Variants in GTF3C2 observed in about 807,000 individuals in gnomAD.
GTF3C2 encodes the protein general transcription factor 3C polypeptide 2.
A neutral mutation model predicts 117.4 loss-of-function variants in GTF3C2; 17 were observed. The ratio of observed to expected loss-of-function variants is 0.14; its 90% CI spans 0.10 to 0.22. The LOEUF (loss-of-function observed/expected upper bound fraction) is 0.22. Among genes scored for constraint, GTF3C2 ranks in the 10% least tolerant of loss-of-function variants. GTF3C2 has a pLI of 1.00. For missense variants in GTF3C2, 888 were observed against 1,143.6 expected, an observed-to-expected ratio of 0.78 and a Z score of 3.22; for synonymous variants, 437 against 427.0, an observed-to-expected ratio of 1.02 and a Z score of -0.29.
At chr2:27,335,368 G>C in intron 10 of GTF3C2, 1 of 664,398 alleles carries the variant, frequency 1.5e-6, no homozygotes, top group Admixed American at 2.1e-5. Flanking sequence ...GCACAGAAGA[G>C]GGAAGAAGGG....
At chr2:27,346,016 C>CTT (rs70953853) in intron 1 of GTF3C2, among the ~76,000 whole-genome samples, 50 of 97,876 alleles carry the variant, frequency 5.1e-4, no homozygotes, top group African/African-American at 7.1e-4. Flanking sequence ...TGCCCCGCCA[C>CTT]TTTTTTTTTT....
chr2:27,337,389 C>T (rs1439195573), intron 6 of GTF3C2, 47 bp from the exon 7 acceptor site: 4 of 1,492,938 alleles, frequency 2.7e-6, no homozygotes, highest in African/African-American at 1.4e-5. Flanking sequence ...GTGTTTCACC[C>T]ATCTCAGGGT....
At chr2:27,335,431 A>G (rs997818275) in intron 10 of GTF3C2, 167 bp downstream of exon 10, 1 of 714,290 alleles carries the variant, frequency 1.4e-6, no homozygotes, top group Non-Finnish European at 2.6e-6. Flanking sequence ...TGCAAAAGAG[A>G]GAGGGCTCAA....
chr2:27,339,409 CAAA>C (rs761860478), intron 4 of GTF3C2, among the ~76,000 whole-genome samples: 2 of 46,812 alleles, frequency 4.3e-5, no homozygotes, highest in Non-Finnish European at 1.0e-4. Flanking sequence ...AACTCCGTCT[CAAA>C]AAAAAAAAAA....
chr2:27,349,767 T>C (rs372977237), intron 1 of GTF3C2, among the ~76,000 whole-genome samples: 1 of 151,862 alleles, frequency 6.6e-6, no homozygotes, highest in East Asian at 1.9e-4. Context: ...GCCTCCCGAG[T>C]AGCTGGGATT....
At chr2:27,352,360 C>T (rs531241739) in intron 1 of GTF3C2, among the ~76,000 whole-genome samples, 7 of 152,206 alleles carry the variant, frequency 4.6e-5, no homozygotes, top group African/African-American at 9.6e-5. Flanking sequence ...TTTTGATTTC[C>T]GAAACAAAAC....
Position 27,335,520 on chromosome 2 carries a change from T to C in GTF3C2, c.1576+78A>G. 3.6e-6 allele frequency: 3 copies of C among 822,808 alleles called. No homozygotes were observed. In the East Asian group the frequency reaches 8.0e-5, roughly 22 times the overall value. 51.0% of individuals were successfully genotyped at this position (822,808 alleles called of 1,614,324 possible). On this transcript the variant is annotated intron_variant, in intron 10 of 18. Transcript: ENST00000264720. ...GCTAAGAGAGACTGGCCCAGAGGAG[T>C]TTCCAGGGAGACAGACAGGCCCTGC...
chr2:27,335,104 T>C (rs1364331668), intron 10 of GTF3C2, among the ~76,000 whole-genome samples: 1 of 152,070 alleles, frequency 6.6e-6, no homozygotes, highest in Non-Finnish European at 1.5e-5. Flanking sequence ...TAATGAAAAA[T>C]AAATTCAACA....
chr2:27,329,061 T>C lies in GTF3C2; in HGVS notation c.2039+60A>G. 6.4e-7 allele frequency: 1 copy of C among 1,574,142 alleles called. No individual in the cohort carries two copies. The highest frequency in any genetic ancestry group is 1.7e-5 in the Admixed American group (1 of 59,884). On this transcript the variant is annotated intron_variant, in intron 14 of 18. Coordinates refer to ENST00000264720, the Ensembl canonical transcript of GTF3C2. This position sits in a 1 kb window ranked among gnomAD's most constrained non-coding sequence, Gnocchi z 4.5. ...CTCCTCTCCCCACAACAATCTGGCA[T>C]GCTTTGCATTCCAACCCTTAGGGCC...
At chr2:27,328,722 T>G in intron 15 of GTF3C2, 122 bp downstream of exon 15, 3 of 1,059,526 alleles carry the variant, frequency 2.8e-6, no homozygotes, top group Non-Finnish European at 4.3e-6. Flanking sequence ...ACAGCCCTGA[T>G]GATAGAGTTA....
At chr2:27,346,762 A>G (rs1327294806) in intron 1 of GTF3C2, among the ~76,000 whole-genome samples, 1 of 151,928 alleles carries the variant, frequency 6.6e-6, no homozygotes, top group Non-Finnish European at 1.5e-5. Context: ...TGGTGTGATC[A>G]CAGCTCACTG....
In GTF3C2 at chr2:27,333,789, AG is replaced by A; in HGVS notation, c.1603-6del. The A allele has an allele frequency of 6.2e-7, 1 of 1,601,552 alleles. No individual in the cohort carries two copies. Among genetic ancestry groups the A allele is most frequent in the Non-Finnish European group, 8.5e-7 (1 of 1,173,618 alleles). On this transcript the variant is annotated splice_polypyrimidine_tract_variant and splice_region_variant and intron_variant, in intron 11 of 18. Transcript: ENST00000264720. ...CAGAGTTGCCACACATTGTACCTGC[AG>A]GGAAAGAAGAGATGGGACTAGGGTT... is the stretch of plus-strand genomic sequence containing the variant.
intron 1 of GTF3C2, among the ~76,000 whole-genome samples, chr2:27,345,411 G>A (rs1221436749): frequency 6.6e-6 from 1 of 152,134 alleles, no homozygotes; most frequent in Non-Finnish European, 1.5e-5. Flanking sequence ...TGGCCAACAT[G>A]GTGAAACCCC....
At chr2:27,343,248 C>A in intron 2 of GTF3C2, 60 bp downstream of exon 2, 1 of 1,563,698 alleles carries the variant, frequency 6.4e-7, no homozygotes, top group Middle Eastern at 1.7e-4. Context: ...TGAGCTCAAT[C>A]TGCTCTTTCA....
intron 15 of GTF3C2, 80 bp downstream of exon 15, chr2:27,328,761 AAAC>A (rs1680179856): frequency 9.6e-6 from 11 of 1,145,908 alleles, no homozygotes; most frequent in Non-Finnish European, 1.3e-5. Context: ...CTTCTACCCA[AAAC>A]TACTGCCTCT....
At chr2:27,337,278 G>T (rs1680521460) in exon 7 of GTF3C2, 1 of 1,612,716 alleles carries the variant, frequency 6.2e-7, no homozygotes, top group South Asian at 1.1e-5. Flanking sequence ...TCTTCAGGTA[G>T]CCCTTCACGT....
intron 17 of GTF3C2, 22 bp from the exon 18 acceptor site, chr2:27,327,306 GGA>G (rs758767869): frequency 1.6e-6 from 2 of 1,279,056 alleles, no homozygotes; most frequent in African/African-American, 3.0e-5. Context: ...AAATGGAATA[GGA>G]GAGAGAAAGT....
chr2:27,330,071 A>T (rs1427723351), intron 12 of GTF3C2, among the ~76,000 whole-genome samples: 1 of 146,440 alleles, frequency 6.8e-6, no homozygotes, highest in African/African-American at 2.5e-5. Context: ...GCTTGAACTC[A>T]GGAGGCGGAG....
chr2:27,337,291 T>C (rs759952986), exon 7 of GTF3C2: 23 of 1,613,648 alleles, frequency 1.4e-5, no homozygotes, highest in Non-Finnish European at 1.7e-5. Flanking sequence ...CTTCACGTTG[T>C]ACAGAAAACA....
Sources: allele counts gnomAD v4.1 joint callset (sites outside exome capture counted in the v4.1 genomes callset), GRCh38; gene constraint gnomAD v4.1.1; non-coding constraint Gnocchi (gnomAD v3.1); transcripts MANE v1.5; gene names NCBI Gene and HGNC (gene_info 2026-07-23, HGNC 2026-07-21).